Variants in LRBA observed in about 807,000 individuals in gnomAD.
LRBA encodes the protein LPS responsive beige-like anchor protein.
A neutral mutation model predicts 330.0 loss-of-function variants in LRBA; 176 were observed. The ratio of observed to expected loss-of-function variants is 0.53; its 90% CI spans 0.47 to 0.60. The LOEUF (loss-of-function observed/expected upper bound fraction) is 0.60. Among genes scored for constraint, LRBA ranks in the 20% least tolerant of loss-of-function variants. The probability of loss-of-function intolerance (pLI) is 0.00; values close to 1 mark genes in which losing one functional copy is unlikely to be tolerated. For synonymous variants in LRBA, 1,230 were observed against 1,193.0 expected (o/e 1.03, Z -0.64); for missense variants, 3,259 against 3,444.8 (o/e 0.95, Z 1.35).
chr4:150,295,633 A>G (rs929173287), intron 53 of LRBA, among the ~76,000 whole-genome samples: 5 of 152,214 alleles, frequency 3.3e-5, no homozygotes, highest in East Asian at 3.8e-4. Context: ...TGTTGCTAAT[A>G]TATGTCTTGT....
At chr4:150,313,745 C>A (rs1007265881) in intron 51 of LRBA, among the ~76,000 whole-genome samples, 1 of 149,758 alleles carries the variant, frequency 6.7e-6, no homozygotes, top group African/African-American at 2.5e-5. Context: ...ATTTTTTTTT[C>A]AGATTTTGGA....
chr4:150,984,165 T>C (rs1278865144), intron 2 of LRBA, among the ~76,000 whole-genome samples: 3 of 152,196 alleles, frequency 2.0e-5, no homozygotes, highest in African/African-American at 7.2e-5. Flanking sequence ...TTCAACCTGT[T>C]AAAATCCAAT....
rs552228149 is a variant in LRBA at position 150,522,068 on chromosome 4, A to G, written c.6331-31033T>C. On this transcript the variant is annotated intron_variant, in intron 40 of 56. Transcript: ENST00000651943. The stretch of plus-strand genomic sequence containing the variant: ...CAAACTTAGTGGCTTACATAACACA[A>G]AATTATTATCCTATAATTCTGGAGG... Among the ~76,000 whole-genome samples the G allele has an allele frequency of 5.3e-4, 80 of 152,306 alleles. 2 individuals carry two copies. In the South Asian group the frequency reaches 0.015, roughly 28 times the overall value.
chr4:150,612,754 C>T (rs1775398861), intron 37 of LRBA, among the ~76,000 whole-genome samples: 1 of 152,088 alleles, frequency 6.6e-6, no homozygotes, highest in South Asian at 2.1e-4. Flanking sequence ...AGTCTCTAAT[C>T]TCAAGGCACT....
intron 37 of LRBA, among the ~76,000 whole-genome samples, chr4:150,640,506 A>G (rs569294197): frequency 1.6e-4 from 25 of 152,322 alleles, no homozygotes; most frequent in South Asian, 8.3e-4. Context: ...ATTTATCTAG[A>G]AAAGGTCTAT....
intron 40 of LRBA, among the ~76,000 whole-genome samples, chr4:150,533,207 C>T (rs2152205283): frequency 6.6e-6 from 1 of 152,146 alleles, no homozygotes; most frequent in South Asian, 2.1e-4. Flanking sequence ...TTTTTTGAGA[C>T]AGGGTCTCAG....
At chr4:150,287,733 G>A (rs549821587) in intron 53 of LRBA, among the ~76,000 whole-genome samples, 1 of 152,294 alleles carries the variant, frequency 6.6e-6, no homozygotes, top group African/African-American at 2.4e-5. Flanking sequence ...GTGATAAAGG[G>A]AGACCAAAAA....
chr4:150,503,790 C>T (rs4413388), intron 40 of LRBA, among the ~76,000 whole-genome samples: 34,274 of 151,826 alleles, frequency 0.23, 4,803 homozygotes, highest in Non-Finnish European at 0.32. Flanking sequence ...GATCAAACTA[C>T]GCTGAGCTAC....
At chr4:150,613,947 A>G (rs980974796) in intron 37 of LRBA, among the ~76,000 whole-genome samples, 1 of 152,108 alleles carries the variant, frequency 6.6e-6, no homozygotes, top group Non-Finnish European at 1.5e-5. Flanking sequence ...TTCCAAGACC[A>G]CCCCGCTAGC....
At chr4:150,366,996 A>C (rs180923994) in intron 47 of LRBA, among the ~76,000 whole-genome samples, 1 of 152,296 alleles carries the variant, frequency 6.6e-6, no homozygotes, top group Admixed American at 6.5e-5. Flanking sequence ...AAGTAGAACT[A>C]ATTTACTTTA....
rs532476591 is a variant in LRBA, at chr4:150,880,526, A to T, written c.2166-7771T>A. 1.3e-4 allele frequency among the ~76,000 whole-genome samples: 20 copies of T among 152,260 alleles called. No individual in the cohort carries two copies. The East Asian group carries it at 3.9e-3, about 29-fold the overall frequency. ...CAGAGCAATACCCTGTCTCCAAAAA[A>T]AAAAAAAAAAACCTTTTAGCTCAAG... On this transcript the variant is annotated intron_variant, in intron 17 of 56. Transcript: ENST00000651943.
At chr4:150,992,365 A>G (rs1431810931) in intron 2 of LRBA, among the ~76,000 whole-genome samples, 1 of 152,120 alleles carries the variant, frequency 6.6e-6, no homozygotes, top group Non-Finnish European at 1.5e-5. Flanking sequence ...CAAGAAGAAA[A>G]GGACCCAAGC....
At chr4:150,934,766 T>C (rs1426517064) in intron 2 of LRBA, among the ~76,000 whole-genome samples, 1 of 152,006 alleles carries the variant, frequency 6.6e-6, no homozygotes, top group Non-Finnish European at 1.5e-5. Context: ...CCCAGCACTT[T>C]GGGAGGCCGA....
intron 44 of LRBA, among the ~76,000 whole-genome samples, chr4:150,443,245 T>C (rs911991009): frequency 2.0e-5 from 3 of 152,178 alleles, no homozygotes; most frequent in African/African-American, 2.4e-5. Context: ...TTTACACTGT[T>C]TGTGGGACTG....
intron 40 of LRBA, among the ~76,000 whole-genome samples, chr4:150,575,437 T>C (rs1690254724): frequency 6.6e-6 from 1 of 151,926 alleles, no homozygotes; most frequent in South Asian, 2.1e-4. Flanking sequence ...TAGCAGATGA[T>C]CAATGCCAAA....
rs577963849 is a variant in LRBA, at chr4:150,759,389, C to T, written c.5645+2394G>A. On this transcript the variant is annotated intron_variant, in intron 35 of 56. Coordinates refer to ENST00000651943, the MANE Select transcript of LRBA (RefSeq NM_001364905.1). The stretch of plus-strand genomic sequence containing the variant: ...TTCTACTTTAATCACTCTTTTCTTG[C>T]TATATTGGCCTCATTCCTCAAATAC... 2.3e-4 allele frequency among the ~76,000 whole-genome samples: 35 copies of T among 152,252 alleles called. No homozygotes were observed. In the South Asian group the frequency reaches 3.5e-3, roughly 15 times the overall value.
At chr4:150,967,596 A>C (rs1026823162) in intron 2 of LRBA, among the ~76,000 whole-genome samples, 2 of 152,214 alleles carry the variant, frequency 1.3e-5, no homozygotes, top group African/African-American at 4.8e-5. Flanking sequence ...TTGCAGATAC[A>C]GCATTTTTTA....
chr4:150,411,508 T>C (rs1391885144), intron 47 of LRBA, among the ~76,000 whole-genome samples: 1 of 152,194 alleles, frequency 6.6e-6, no homozygotes, highest in Non-Finnish European at 1.5e-5. Context: ...GTATAATCTG[T>C]TATTATTCAC....
intron 37 of LRBA, among the ~76,000 whole-genome samples, chr4:150,621,944 C>G (rs1003119940): frequency 6.6e-6 from 1 of 152,166 alleles, no homozygotes; most frequent in Non-Finnish European, 1.5e-5. Flanking sequence ...GAAACCAAAA[C>G]AGTTGGGTTG....
Sources: allele counts gnomAD v4.1 joint callset (sites outside exome capture counted in the v4.1 genomes callset), GRCh38; gene constraint gnomAD v4.1.1; transcripts MANE v1.5; gene names NCBI Gene and HGNC (gene_info 2026-07-23, HGNC 2026-07-21).